Variants in SERPINB12 observed in about 807,000 individuals in gnomAD.
SERPINB12 encodes serpin family B member 12.
In SERPINB12, 57 loss-of-function variants were observed where a neutral mutation model predicts 41.1. The ratio of observed to expected loss-of-function variants is 1.39; its 90% CI spans 1.12 to 1.73. The LOEUF (loss-of-function observed/expected upper bound fraction) is 1.73. SERPINB12 is among the 40% of genes most tolerant of loss of function. The pLI, the probability that SERPINB12 is intolerant of heterozygous loss-of-function variation, is 0.00. For missense variants in SERPINB12, 536 were observed against 501.9 expected, an observed-to-expected ratio of 1.07 and a Z score of -0.65; for synonymous variants, 180 against 181.3, an observed-to-expected ratio of 0.99 and a Z score of 0.06.
the SERPINB12 span, among the ~76,000 whole-genome samples, chr18:63,527,505 G>T: frequency 6.6e-6 from 1 of 152,166 alleles, no homozygotes; most frequent in Non-Finnish European, 1.5e-5. Context: ...GGAAGTGGAA[G>T]CTGAGAGAAA....
chr18:63,528,784 C>G, the SERPINB12 span, among the ~76,000 whole-genome samples: 8 of 152,110 alleles, frequency 5.3e-5, no homozygotes, highest in African/African-American at 1.9e-4. Flanking sequence ...AGAGTACTCT[C>G]CAAAAGGACA....
the SERPINB12 span, among the ~76,000 whole-genome samples, chr18:63,530,636 T>TG: frequency 6.6e-6 from 1 of 152,212 alleles, no homozygotes; most frequent in Non-Finnish European, 1.5e-5. Context: ...CAATGCCCGA[T>TG]GTCAAGTTAT....
chr18:63,552,195 G>A (rs528464503), intron 1 of SERPINB12, among the ~76,000 whole-genome samples: 1 of 152,288 alleles, frequency 6.6e-6, no homozygotes, highest in East Asian at 1.9e-4. Flanking sequence ...GGAGGCCTGC[G>A]AATGGGTTTC....
intron 1 of SERPINB12, among the ~76,000 whole-genome samples, chr18:63,550,942 G>T (rs1405919791): frequency 6.6e-6 from 1 of 152,096 alleles, no homozygotes; most frequent in African/African-American, 2.4e-5. Context: ...AGTTTTGCCA[G>T]TTTTGGAACT....
the SERPINB12 span, among the ~76,000 whole-genome samples, chr18:63,529,398 G>A: frequency 1.3e-5 from 2 of 152,184 alleles, no homozygotes; most frequent in Non-Finnish European, 2.9e-5. Flanking sequence ...GTTTTGGAGA[G>A]TCTTTGGTGA....
At chr18:63,525,318 T>C in the SERPINB12 span, among the ~76,000 whole-genome samples, 1 of 152,172 alleles carries the variant, frequency 6.6e-6, no homozygotes, top group South Asian at 2.1e-4. Flanking sequence ...GAATTGTATA[T>C]ACTAATTAGG....
At chr18:63,521,299 G>C in the SERPINB12 span, among the ~76,000 whole-genome samples, 1 of 152,162 alleles carries the variant, frequency 6.6e-6, no homozygotes, top group Non-Finnish European at 1.5e-5. Context: ...TTTTGATCAA[G>C]ATTTTGCTCT....
chr18:63,559,060 C>T (rs867947034), intron 3 of SERPINB12, among the ~76,000 whole-genome samples: 4,839 of 88,342 alleles, frequency 0.055, 176 homozygotes, highest in Non-Finnish European at 0.067. Context: ...CTTTCTTTCT[C>T]TCCTTCTTCT....
At chr18:63,559,040 T>TTCTTTCTTTCTTTC (rs1555675618) in intron 3 of SERPINB12, among the ~76,000 whole-genome samples, 15 of 27,734 alleles carry the variant, frequency 5.4e-4, no homozygotes, top group African/African-American at 1.1e-3. Context: ...CTTTCTTTCT[T>TTCTTTCTTTCTTTC]TCTTTCTTTC....
In SERPINB12 at chr18:63,568,896, G is replaced by A. The variant is rs558599066; in HGVS notation, c.*1885G>A. On this transcript the variant is annotated 3_prime_UTR_variant, in exon 8 of 8. Coordinates refer to ENST00000382768, the MANE Select transcript of SERPINB12 (RefSeq NM_001307928.2). ...TTACGACCTAAAACAATTTGACGTT[G>A]GTAACGTGAGGCAGTTTGAGGCAGT... 6.6e-6 allele frequency among the ~76,000 whole-genome samples: 1 copy of A among 152,128 alleles called. No individual in the cohort carries two copies. Among genetic ancestry groups the A allele is most frequent in the South Asian group, 2.1e-4 (1 of 4,812 alleles).
At chr18:63,558,252 A>G (rs1260377522) in intron 2 of SERPINB12, 100 bp from the exon 3 acceptor site, 3 of 1,293,318 alleles carry the variant, frequency 2.3e-6, no homozygotes, top group Non-Finnish European at 3.2e-6. Context: ...TTGTTTGACT[A>G]TGTAATCATT....
chr18:63,564,073 T>C lies in SERPINB12; in HGVS notation c.658T>C (p.Tyr220His), dbSNP rs1366675131. Reference sequence around the variant, plus strand: ...TTACTTCAAGGCCAAATGGGAAACATACTTTGACCATGAAAACACGGTGGA... The same window carrying C: ...TTACTTCAAGGCCAAATGGGAAACACACTTTGACCATGAAAACACGGTGGA... The part of the protein sequence containing the change: ...AVYFKAKWET[Y>H]FDHENTVDAP... The change falls in exon 6 of 8, where the codon TAC becomes CAC. Residue 220 changes from tyrosine (Y) to histidine (H), a missense_variant. Physicochemically the swap from Tyr to His is moderately conservative, Grantham distance 83. Coordinates refer to ENST00000382768, the MANE Select transcript of SERPINB12 (RefSeq NM_001307928.2). 2 of 1,614,082 alleles carry C rather than the reference T, an allele frequency of 1.2e-6. No individual in the cohort carries two copies. The highest frequency in any genetic ancestry group is 2.2e-5 in the East Asian group (1 of 44,866).
At chr18:63,563,926 A>G in intron 5 of SERPINB12, 52 bp from the exon 6 acceptor site, 1 of 1,505,088 alleles carries the variant, frequency 6.6e-7, no homozygotes, top group Non-Finnish European at 9.0e-7. Context: ...TATCTACACA[A>G]ATGCTTTTGA....
At chr18:63,529,938 T>C in the SERPINB12 span, among the ~76,000 whole-genome samples, 2 of 152,098 alleles carry the variant, frequency 1.3e-5, no homozygotes, top group Admixed American at 6.6e-5. Flanking sequence ...CCCATGACAA[T>C]TAAAAAACCT....
intron 2 of SERPINB12, 29 bp from the exon 3 acceptor site, chr18:63,558,323 C>T: frequency 6.3e-7 from 1 of 1,596,964 alleles, no homozygotes; most frequent in Middle Eastern, 1.7e-4. Flanking sequence ...TTCATATTAT[C>T]TGAAAGACCC....
chr18:63,535,180 T>G, the SERPINB12 span, among the ~76,000 whole-genome samples: 1 of 152,146 alleles, frequency 6.6e-6, no homozygotes, highest in Admixed American at 6.6e-5. Context: ...AAATCATTAG[T>G]GGATGCTAAC....
the SERPINB12 span, among the ~76,000 whole-genome samples, chr18:63,533,222 C>T: frequency 1.3e-5 from 2 of 152,310 alleles, no homozygotes; most frequent in South Asian, 4.1e-4. Context: ...GTGATCCGCC[C>T]ACCTTGGCCT....
the SERPINB12 span, among the ~76,000 whole-genome samples, chr18:63,535,425 G>A: frequency 1.4e-4 from 22 of 152,132 alleles, 1 homozygote; most frequent in Admixed American, 3.3e-4. Context: ...CCAAAAATGC[G>A]TAACTCGAAT....
intron 1 of SERPINB12, among the ~76,000 whole-genome samples, chr18:63,555,800 G>A (rs1434471424): frequency 6.6e-6 from 1 of 152,148 alleles, no homozygotes; most frequent in Non-Finnish European, 1.5e-5. Flanking sequence ...TTCCTTGAGA[G>A]TCTTGAAATG....
Sources: allele counts gnomAD v4.1 joint callset (sites outside exome capture counted in the v4.1 genomes callset), GRCh38; gene constraint gnomAD v4.1.1; transcripts MANE v1.5; gene names NCBI Gene and HGNC (gene_info 2026-07-23, HGNC 2026-07-21).